The following COL24A1 variants were observed in gnomAD, a reference collection of about 807,000 sequenced individuals.
COL24A1 encodes collagen alpha-1(XXIV) chain.
A neutral mutation model predicts 253.9 loss-of-function variants in COL24A1; 224 were observed. The observed-to-expected ratio is 0.88, with a 90% CI of 0.79 to 0.99. The LOEUF (loss-of-function observed/expected upper bound fraction) is 0.99, where lower values mean the gene tolerates loss of function less well. Ranked by LOEUF, COL24A1 falls within the 50% of genes least tolerant of loss-of-function variation. The pLI, the probability that COL24A1 is intolerant of heterozygous loss-of-function variation, is 0.00. For synonymous variants in COL24A1, 685 were observed against 673.7 expected (o/e 1.02, Z -0.26); for missense variants, 2,131 against 2,068.5 (o/e 1.03, Z -0.59).
At chr1:85,978,887 A>T (rs767766776) in intron 20 of COL24A1, among the ~76,000 whole-genome samples, 6 of 152,310 alleles carry the variant, frequency 3.9e-5, no homozygotes, top group Non-Finnish European at 7.4e-5. Flanking sequence ...CAGAATAGAC[A>T]TTCTTTTCAT....
intron 42 of COL24A1, among the ~76,000 whole-genome samples, chr1:85,839,019 G>A (rs1347337601): frequency 6.6e-6 from 1 of 151,964 alleles, no homozygotes; most frequent in Non-Finnish European, 1.5e-5. Context: ...GGGCAATAAC[G>A]TGAGACCCTG....
intron 59 of COL24A1, among the ~76,000 whole-genome samples, chr1:85,733,018 A>G (rs1018137919): frequency 2.0e-5 from 3 of 152,306 alleles, no homozygotes; most frequent in Non-Finnish European, 4.4e-5. Flanking sequence ...TGTGTCTCAG[A>G]GGTACTAGTG....
chr1:86,124,741 G>T, intron 3 of COL24A1, 104 bp downstream of exon 3: 1 of 823,854 alleles, frequency 1.2e-6, no homozygotes, highest in Non-Finnish European at 1.8e-6. Context: ...GACTTTATCT[G>T]TTATGTATTG....
intron 7 of COL24A1, among the ~76,000 whole-genome samples, chr1:86,080,314 A>G (rs956522118): frequency 3.3e-5 from 5 of 152,268 alleles, no homozygotes; most frequent in Middle Eastern, 6.8e-3. Flanking sequence ...GGAAGGGAGC[A>G]TAGTTAATGA....
At chr1:85,863,156 A>T (rs138732673) in intron 37 of COL24A1, among the ~76,000 whole-genome samples, 5 of 152,302 alleles carry the variant, frequency 3.3e-5, no homozygotes, top group African/African-American at 1.2e-4. Flanking sequence ...TGATTTTTGC[A>T]CATTGATTTT....
At chr1:86,012,416 C>A (rs1275212014) in intron 19 of COL24A1, among the ~76,000 whole-genome samples, 1 of 152,014 alleles carries the variant, frequency 6.6e-6, no homozygotes, top group African/African-American at 2.4e-5. Flanking sequence ...AGTGAAATCC[C>A]ATCTCAACTA....
Position 86,012,086 on chromosome 1 carries a change from T to A in COL24A1, c.2310+5065A>T, listed in dbSNP as rs145289976. ...TTCTCATTGTAGCCACCCAAAGTGC[T>A]GGGATTACAAGCATAAGCCACCATG... is the stretch of plus-strand genomic sequence containing the variant. On this transcript the variant is annotated intron_variant, in intron 19 of 59. Coordinates refer to ENST00000370571, the MANE Select transcript of COL24A1 (RefSeq NM_152890.7). Among the ~76,000 whole-genome samples the A allele has an allele frequency of 9.1e-4, 139 of 152,062 alleles. 3 individuals carry two copies. In the East Asian group the frequency reaches 0.019, roughly 21 times the overall value.
chr1:86,040,487 C>T (rs1454443342), intron 12 of COL24A1, among the ~76,000 whole-genome samples: 12 of 126,572 alleles, frequency 9.5e-5, no homozygotes, highest in African/African-American at 3.6e-4. Flanking sequence ...CTACAAGGCT[C>T]TTTGAGTTGT....
chr1:85,962,649 A>C lies in COL24A1; in HGVS notation c.2518-1356T>G, dbSNP rs2100689609. Among the ~76,000 whole-genome samples, 3 of 152,340 alleles carry C rather than the reference A, an allele frequency of 2.0e-5. No homozygotes were observed. In the South Asian group the frequency reaches 6.2e-4, roughly 32 times the overall value. ...TGAGAAAGCGTCATTTTTAGTGGTG[A>C]GGAATGGCATCAGCAAAGGTATAGA... On this transcript the variant is annotated intron_variant, in intron 23 of 59. Transcript: ENST00000370571.
At chr1:85,740,052 T>C (rs1664443978) in intron 57 of COL24A1, among the ~76,000 whole-genome samples, 1 of 152,152 alleles carries the variant, frequency 6.6e-6, no homozygotes, top group African/African-American at 2.4e-5. Flanking sequence ...TCCTTTACTA[T>C]AGTAATGTCC....
rs183562403 is a variant in COL24A1 at position 86,145,651 on chromosome 1, G to A, written c.121+468C>T. ...AGTAGGCACAAACAAAACAGGTTTA[G>A]GTTTATTTTCTAAACCTCTCCATTT... On this transcript the variant is annotated intron_variant, in intron 2 of 59. Coordinates refer to ENST00000370571, the MANE Select transcript of COL24A1 (RefSeq NM_152890.7). Among the ~76,000 whole-genome samples the A allele has an allele frequency of 8.0e-4, 121 of 152,046 alleles. 1 individual carries two copies. The highest frequency in any genetic ancestry group is 2.8e-3 in the African/African-American group (115 of 41,522).
At chr1:85,913,711 T>C (rs1162118551) in intron 24 of COL24A1, among the ~76,000 whole-genome samples, 1 of 151,992 alleles carries the variant, frequency 6.6e-6, no homozygotes, top group Non-Finnish European at 1.5e-5. Context: ...TAAGGAAGAG[T>C]GTGAATAAAA....
intron 43 of COL24A1, among the ~76,000 whole-genome samples, chr1:85,831,733 T>C (rs1675310900): frequency 6.6e-6 from 1 of 151,936 alleles, no homozygotes. Context: ...GGCAGTAAAG[T>C]GAGGACATTC....
intron 42 of COL24A1, among the ~76,000 whole-genome samples, chr1:85,839,573 A>G (rs888752887): frequency 1.3e-5 from 2 of 151,890 alleles, no homozygotes; most frequent in African/African-American, 2.4e-5. Flanking sequence ...AAAATTAAAA[A>G]ATAATAAATA....
At chr1:85,785,687 A>C (rs527384626) in intron 48 of COL24A1, among the ~76,000 whole-genome samples, 1 of 152,360 alleles carries the variant, frequency 6.6e-6, no homozygotes, top group East Asian at 1.9e-4. Flanking sequence ...CATGGGTCAG[A>C]AATCTGAAAA....
At chr1:85,848,114 G>T (rs530303814) in intron 38 of COL24A1, among the ~76,000 whole-genome samples, 1 of 152,206 alleles carries the variant, frequency 6.6e-6, no homozygotes, top group South Asian at 2.1e-4. Context: ...TGGAAAGTCT[G>T]TTTCTATAGA....
intron 20 of COL24A1, among the ~76,000 whole-genome samples, chr1:85,984,373 C>CT (rs1194760586): frequency 6.6e-6 from 1 of 151,824 alleles, no homozygotes; most frequent in East Asian, 1.9e-4. Context: ...TTCACCAACT[C>CT]TTTTATATAG....
At chr1:85,851,026 T>C (rs1466353008) in intron 37 of COL24A1, among the ~76,000 whole-genome samples, 2 of 149,782 alleles carry the variant, frequency 1.3e-5, no homozygotes, top group Non-Finnish European at 3.0e-5. Context: ...TATATCTACA[T>C]ATATATATAC....
rs1316639527 is a variant in COL24A1, at chr1:86,086,029, G to T, written c.1707+3145C>A. Among the ~76,000 whole-genome samples, 5 of 151,754 alleles carry T rather than the reference G, an allele frequency of 3.3e-5. No homozygotes were observed. In the East Asian group the frequency reaches 9.7e-4, roughly 29 times the overall value. ...TTTACCTCAACAGTTTTTATGAGTTGTTAGTGTATTTCACATAACTTTCTT... is the reference window on the plus strand; with the variant it reads ...TTTACCTCAACAGTTTTTATGAGTTTTTAGTGTATTTCACATAACTTTCTT... On this transcript the variant is annotated intron_variant, in intron 7 of 59. Coordinates refer to ENST00000370571, the MANE Select transcript of COL24A1 (RefSeq NM_152890.7).
Sources: gnomAD v4.1 joint callset for allele counts (sites outside exome capture counted in the v4.1 genomes callset) on GRCh38, gnomAD v4.1.1 for gene constraint, MANE v1.5 for transcripts, NCBI Gene and HGNC (gene_info 2026-07-23, HGNC 2026-07-21) for gene names.